Variants in ZNF883 observed in about 807,000 individuals in gnomAD.
ZNF883 encodes the protein zinc finger protein 883.
intron 2 of ZNF883, among the ~76,000 whole-genome samples, chr9:113,003,679 A>ACAAAGAAATATGT (rs1828448409): frequency 6.6e-6 from 1 of 152,164 alleles, no homozygotes. Flanking sequence ...CTCAAACCAT[A>ACAAAGAAATATGT]AGCAAGCTAA....
chr9:112,991,524 T>G (rs1045026318), intron 1 of ZNF883, among the ~76,000 whole-genome samples: 2 of 152,034 alleles, frequency 1.3e-5, no homozygotes, highest in Non-Finnish European at 2.9e-5. Flanking sequence ...AATTTTAGAG[T>G]CAGTGCATTG....
rs965688751 is a variant in ZNF883 at position 112,990,208 on chromosome 9, A to C, written n.310-6629T>G. 2.7e-4 allele frequency among the ~76,000 whole-genome samples: 41 copies of C among 152,316 alleles called. 1 individual carries two copies. The highest frequency in any genetic ancestry group is 3.9e-4 in the Admixed American group (6 of 15,304). Reference sequence around the variant, plus strand: ...TGTCTTGTGCTGGTTTTCAAGGGGAAAGATTCCAGGTTTTGCCTATTCAGT... The same window carrying C: ...TGTCTTGTGCTGGTTTTCAAGGGGACAGATTCCAGGTTTTGCCTATTCAGT... On this transcript the variant is annotated intron_variant and non_coding_transcript_variant, in intron 1 of 9. Transcript: ENST00000638823.
intron 1 of ZNF883, among the ~76,000 whole-genome samples, chr9:113,011,927 G>A (rs1828542911): frequency 1.3e-5 from 2 of 152,050 alleles, no homozygotes; most frequent in African/African-American, 2.4e-5. Flanking sequence ...ACACGGCTTT[G>A]CCTCCTCCTC....
intron 2 of ZNF883, among the ~76,000 whole-genome samples, chr9:113,006,295 G>A (rs10124395): frequency 0.59 from 89,408 of 151,828 alleles, 27,018 homozygotes; most frequent in East Asian, 0.85. Context: ...CCCAGTTCCA[G>A]GAGCACCCCC....
intron 1 of ZNF883, among the ~76,000 whole-genome samples, chr9:112,990,833 A>G (rs1587891941): frequency 6.6e-6 from 1 of 152,102 alleles, no homozygotes; most frequent in African/African-American, 2.4e-5. Context: ...TTCCTGGTTC[A>G]GTCTTGGGAG....
chr9:112,989,530 A>C (rs1183989490), intron 1 of ZNF883, among the ~76,000 whole-genome samples: 1 of 152,164 alleles, frequency 6.6e-6, no homozygotes, highest in Non-Finnish European at 1.5e-5. Flanking sequence ...GTAGCCTCAT[A>C]GTATAGTTTG....
At chr9:112,996,790 CAAAAAAAAAAAAAAAA>C (rs61714600), downstream of ZNF883, among the ~76,000 whole-genome samples, 3 of 52,106 alleles carry the variant, frequency 5.8e-5, no homozygotes, top group South Asian at 9.6e-4. Context: ...GACTCCGTCT[CAAAAAAAAAAAAAAAA>C]AAAAAAAAAA....
chr9:112,998,429 A>G (rs1828388170), upstream of ZNF883: 15 of 504,742 alleles, frequency 3.0e-5, 1 homozygote, highest in South Asian at 9.1e-4. Flanking sequence ...GAAAAAATCC[A>G]CTACAGCAGA....
upstream of ZNF883, among the ~76,000 whole-genome samples, chr9:113,000,683 G>GA (rs1828413973): frequency 6.6e-6 from 1 of 152,086 alleles, no homozygotes; most frequent in African/African-American, 2.4e-5. Flanking sequence ...TGGTACTAAT[G>GA]ATAAAGAAAG....
upstream of ZNF883, chr9:112,998,883 T>C (rs1828393246): frequency 2.0e-5 from 3 of 152,328 alleles, no homozygotes; most frequent in South Asian, 6.2e-4. Context: ...TGGTTAAATG[T>C]TTCCTCGAAG....
intron 2 of ZNF883, among the ~76,000 whole-genome samples, chr9:113,003,734 A>G (rs893841799): frequency 7.9e-5 from 12 of 152,224 alleles, no homozygotes; most frequent in African/African-American, 2.9e-4. Flanking sequence ...CAAACTCCTG[A>G]AAATCACAGA....
intron 1 of ZNF883, among the ~76,000 whole-genome samples, chr9:113,011,745 C>T (rs1267764864): frequency 6.6e-6 from 1 of 152,152 alleles, no homozygotes; most frequent in East Asian, 1.9e-4. Context: ...TCACGGTTTT[C>T]TTGCAATTCC....
chr9:112,996,827 T>G (rs1249640978), downstream of ZNF883, among the ~76,000 whole-genome samples: 2 of 141,740 alleles, frequency 1.4e-5, no homozygotes, highest in South Asian at 2.3e-4. Context: ...AAAAAAAAGT[T>G]TTTTTATAAG....
At chr9:113,007,837 C>T (rs1828493518) in intron 2 of ZNF883, among the ~76,000 whole-genome samples, 2 of 152,172 alleles carry the variant, frequency 1.3e-5, no homozygotes, top group African/African-American at 4.8e-5. Context: ...TAGCCACTGG[C>T]AGAGCTAGGA....
At chr9:112,993,252 GT>G (rs1430088297), downstream of ZNF883, among the ~76,000 whole-genome samples, 1 of 152,202 alleles carries the variant, frequency 6.6e-6, no homozygotes, top group Non-Finnish European at 1.5e-5. Flanking sequence ...CTTTGGATAT[GT>G]TTTTTGTGGG....
chr9:112,995,927 T>A (rs938249351), downstream of ZNF883, among the ~76,000 whole-genome samples: 5 of 152,310 alleles, frequency 3.3e-5, no homozygotes, highest in African/African-American at 1.2e-4. Context: ...TATTGCCTTA[T>A]GAAATCTACC....
downstream of ZNF883, among the ~76,000 whole-genome samples, chr9:112,992,803 C>T (rs1026404749): frequency 5.3e-5 from 8 of 152,040 alleles, no homozygotes; most frequent in Non-Finnish European, 7.4e-5. Flanking sequence ...CTTGTCTGCC[C>T]GTCTTATTTC....
At chr9:112,996,961 A>T (rs1286376113), downstream of ZNF883, among the ~76,000 whole-genome samples, 1 of 152,084 alleles carries the variant, frequency 6.6e-6, no homozygotes, top group Non-Finnish European at 1.5e-5. Context: ...CCTTTTTTAG[A>T]TTATAAGCAT....
At chr9:113,004,825 C>T (rs1828459439) in intron 2 of ZNF883, among the ~76,000 whole-genome samples, 1 of 149,908 alleles carries the variant, frequency 6.7e-6, no homozygotes, top group African/African-American at 2.5e-5. Context: ...TATTCTATAG[C>T]TACATTAATT....
Sources: allele counts gnomAD v4.1 joint callset (sites outside exome capture counted in the v4.1 genomes callset), GRCh38; gene constraint gnomAD v4.1.1; transcripts MANE v1.5; gene names NCBI Gene and HGNC (gene_info 2026-07-23, HGNC 2026-07-21).